The following CCDC192 variants were observed in gnomAD, a reference collection of about 807,000 sequenced individuals.
CCDC192 encodes coiled-coil domain containing 192, also known as coiled-coil domain-containing protein 192.
chr5:127,781,011 G>A (rs1756185178), intron 3 of CCDC192, among the ~76,000 whole-genome samples: 1 of 152,156 alleles, frequency 6.6e-6, no homozygotes, highest in South Asian at 2.1e-4. Flanking sequence ...TTTGTATAAG[G>A]TAAGAGATGA....
At chr5:127,918,216 T>TAAAAAAAAAAAAAAAAAAAAAAAAAAAAA (rs1219307107) in intron 6 of CCDC192, among the ~76,000 whole-genome samples, 2 of 100,400 alleles carry the variant, frequency 2.0e-5, no homozygotes, top group African/African-American at 9.0e-5. Context: ...CTTCAATTTG[T>TAAAAAAAAAAAAAAAAAAAAAAAAAAAAA]AAAAAAAAAA....
At chr5:127,821,480 T>C (rs567862961) in intron 5 of CCDC192, among the ~76,000 whole-genome samples, 2 of 152,348 alleles carry the variant, frequency 1.3e-5, no homozygotes, top group South Asian at 4.1e-4. Context: ...TTCAACTTTC[T>C]AAGGATCCCA....
intron 6 of CCDC192, among the ~76,000 whole-genome samples, chr5:127,877,946 CAA>C (rs961627809): frequency 6.6e-6 from 1 of 152,198 alleles, no homozygotes; most frequent in African/African-American, 2.4e-5. Flanking sequence ...GTAAACAAAC[CAA>C]GAGAGAGCAT....
intron 3 of CCDC192, among the ~76,000 whole-genome samples, chr5:127,776,227 G>A (rs1346468967): frequency 6.6e-6 from 1 of 152,210 alleles, no homozygotes; most frequent in Non-Finnish European, 1.5e-5. Flanking sequence ...CTAGGCTGAG[G>A]TGGTCTCAGA....
intron 6 of CCDC192, among the ~76,000 whole-genome samples, chr5:127,883,049 T>G (rs1248619399): frequency 6.6e-6 from 1 of 152,246 alleles, no homozygotes; most frequent in African/African-American, 2.4e-5. Flanking sequence ...TGCTGGGACT[T>G]CGTCAAAAAC....
intron 3 of CCDC192, among the ~76,000 whole-genome samples, chr5:127,790,733 T>G (rs745554246): frequency 6.6e-6 from 1 of 152,210 alleles, no homozygotes; most frequent in Non-Finnish European, 1.5e-5. Context: ...CACATTTAAT[T>G]ATGGGATAGC....
chr5:127,753,045 A>C (rs1754321160), intron 2 of CCDC192, among the ~76,000 whole-genome samples: 1 of 152,288 alleles, frequency 6.6e-6, no homozygotes, highest in South Asian at 2.1e-4. Context: ...CCGGTACCTC[A>C]GATGGAAATG....
At chr5:127,791,437 C>G (rs1756860690) in intron 3 of CCDC192, among the ~76,000 whole-genome samples, 1 of 152,176 alleles carries the variant, frequency 6.6e-6, no homozygotes, top group African/African-American at 2.4e-5. Flanking sequence ...ATAAGAAGTT[C>G]TAGGAACTGG....
chr5:127,844,110 A>G (rs1183230047), intron 5 of CCDC192, among the ~76,000 whole-genome samples: 1 of 152,162 alleles, frequency 6.6e-6, no homozygotes, highest in African/African-American at 2.4e-5. Flanking sequence ...CTTTGCCTTT[A>G]TGGCCCCATT....
At chr5:127,774,212 C>CT (rs1462448967) in intron 3 of CCDC192, among the ~76,000 whole-genome samples, 2 of 152,000 alleles carry the variant, frequency 1.3e-5, no homozygotes, top group African/African-American at 4.8e-5. Flanking sequence ...CGTAAGTTGT[C>CT]TTTTCATTTT....
chr5:127,868,691 C>T (rs1030707445), intron 5 of CCDC192, among the ~76,000 whole-genome samples: 1 of 152,014 alleles, frequency 6.6e-6, no homozygotes, highest in Admixed American at 6.6e-5. Context: ...CGAAACCAGT[C>T]TGGTCAACAT....
chr5:127,737,899 G>C (rs1322566359), intron 2 of CCDC192, among the ~76,000 whole-genome samples: 1 of 151,914 alleles, frequency 6.6e-6, no homozygotes, highest in Non-Finnish European at 1.5e-5. Flanking sequence ...GCCAGTCTGT[G>C]TCTTTTAATT....
At position 127,884,342 on chromosome 5, in the gene CCDC192, C is replaced by CAAA. The variant is rs778430655; in HGVS notation, c.535+8706_535+8708dup. 3.4e-3 allele frequency among the ~76,000 whole-genome samples: 40 copies of CAAA among 11,836 alleles called. 6 individuals carry two copies. Among genetic ancestry groups the CAAA allele is most frequent in the African/African-American group, 4.7e-3 (21 of 4,510 alleles). The allele number at this position is 11,836 out of a possible 152,430, so 7.8% of individuals were successfully genotyped here. ...TGGGCGACAGAGCAAGACTCCGTCTCAAAAAAAAAAAAAAAAAAAAAAAAA... is the reference window on the plus strand; with the variant it reads ...TGGGCGACAGAGCAAGACTCCGTCTCAAAAAAAAAAAAAAAAAAAAAAAAAAAA... On this transcript the variant is annotated intron_variant, in intron 6 of 6. Transcript: ENST00000514853.
At chr5:127,703,640 C>G in intron 1 of CCDC192, 133 bp downstream of exon 1, 1 of 383,582 alleles carries the variant, frequency 2.6e-6, no homozygotes. Context: ...TTTATCCTTT[C>G]CTGGAGAGTG....
intron 5 of CCDC192, among the ~76,000 whole-genome samples, chr5:127,845,131 A>C (rs1157066795): frequency 6.6e-6 from 1 of 152,220 alleles, no homozygotes. Context: ...CCACCATCTA[A>C]GAAAAGCAAG....
rs150905085 is a variant in CCDC192, at chr5:127,852,111, G to C, written c.412-23427G>C. 1.5e-4 allele frequency among the ~76,000 whole-genome samples: 23 copies of C among 152,200 alleles called. 2 individuals are homozygous for C. The East Asian group carries it at 3.9e-3, about 26-fold the overall frequency. ...ATTTTGTGCTCAAAATGTTTTCCAC[G>C]ATACCAACCCCAGAGAGCAAACACT... On this transcript the variant is annotated intron_variant, in intron 5 of 6. Transcript: ENST00000514853.
chr5:127,834,530 T>C (rs1749946565), intron 5 of CCDC192, among the ~76,000 whole-genome samples: 1 of 152,214 alleles, frequency 6.6e-6, no homozygotes, highest in Non-Finnish European at 1.5e-5. Flanking sequence ...ATATCAATTA[T>C]AGTGCTTAGA....
At chr5:127,772,916 G>A (rs1439652387) in intron 3 of CCDC192, among the ~76,000 whole-genome samples, 1 of 152,146 alleles carries the variant, frequency 6.6e-6, no homozygotes, top group Admixed American at 6.5e-5. Context: ...TTAACTGGTG[G>A]GAAGGTGAGG....
At chr5:127,844,993 T>C (rs1363376594) in intron 5 of CCDC192, among the ~76,000 whole-genome samples, 2 of 152,196 alleles carry the variant, frequency 1.3e-5, no homozygotes, top group African/African-American at 4.8e-5. Context: ...TCTTTGAAGA[T>C]AGCAAGATTG....
Sources: allele counts gnomAD v4.1 joint callset (sites outside exome capture counted in the v4.1 genomes callset), GRCh38; gene constraint gnomAD v4.1.1; transcripts MANE v1.5; gene names NCBI Gene and HGNC (gene_info 2026-07-23, HGNC 2026-07-21).